Variants in TMEM108 observed in about 807,000 individuals in gnomAD.
The protein encoded by TMEM108 is cancer/testis antigen 124.
Under a neutral mutation model 35.1 loss-of-function variants are expected in TMEM108, and 12 were observed. The ratio of observed to expected loss-of-function variants is 0.34; its 90% confidence interval spans 0.22 to 0.55. The LOEUF is 0.55. Ranked by LOEUF, TMEM108 falls within the 20% of genes least tolerant of loss-of-function variation. TMEM108 has a pLI of 0.89. For synonymous variants in TMEM108, 287 were observed against 308.6 expected, an observed-to-expected ratio of 0.93 and a Z score of 0.73; for missense variants, 680 against 753.3, an observed-to-expected ratio of 0.90 and a Z score of 1.14.
chr3:133,062,642 A>G lies in TMEM108; in HGVS notation c.-47+16622A>G, dbSNP rs570158354. ...ATAATTAAATTTGTTTTAGTCTAAA[A>G]TCTGGTGATGTTACTTAATGTCAGT... On this transcript the variant is annotated intron_variant, in intron 2 of 5. Transcript: ENST00000321871. Among the ~76,000 whole-genome samples, 29 of 152,342 alleles carry G rather than the reference A, an allele frequency of 1.9e-4. No individual in the cohort carries two copies. The East Asian group carries it at 5.0e-3, about 26-fold the overall frequency.
chr3:133,065,394 C>A (rs2107685152), intron 2 of TMEM108, among the ~76,000 whole-genome samples: 1 of 152,206 alleles, frequency 6.6e-6, no homozygotes, highest in Admixed American at 6.5e-5. Flanking sequence ...CAGAAGAATG[C>A]CTTTCCCAGC....
chr3:133,350,084 A>C (rs1339947099), intron 3 of TMEM108, among the ~76,000 whole-genome samples: 1 of 152,152 alleles, frequency 6.6e-6, no homozygotes, highest in African/African-American at 2.4e-5. Flanking sequence ...ATGGAATACT[A>C]TTCAGCCATA....
intron 2 of TMEM108, among the ~76,000 whole-genome samples, chr3:133,049,352 C>T (rs1943377128): frequency 6.6e-6 from 1 of 152,220 alleles, no homozygotes; most frequent in South Asian, 2.1e-4. Context: ...GTGCTCTGTA[C>T]CCACTTGTGG....
chr3:133,237,056 G>A (rs1047649347), intron 3 of TMEM108, among the ~76,000 whole-genome samples: 1 of 152,154 alleles, frequency 6.6e-6, no homozygotes, highest in Non-Finnish European at 1.5e-5. Flanking sequence ...ATTGAGTACA[G>A]TAGTTTAAAG....
chr3:133,354,607 GAGA>G (rs2072106172), intron 3 of TMEM108, among the ~76,000 whole-genome samples: 1 of 152,104 alleles, frequency 6.6e-6, no homozygotes, highest in Non-Finnish European at 1.5e-5. Flanking sequence ...CCTTGAGCAG[GAGA>G]AGGACACAAG....
intron 3 of TMEM108, among the ~76,000 whole-genome samples, chr3:133,259,736 T>G (rs1946598631): frequency 6.6e-6 from 1 of 152,160 alleles, no homozygotes; most frequent in Non-Finnish European, 1.5e-5. Context: ...AGTGATGATA[T>G]CTTACCACAG....
In TMEM108 at chr3:133,204,320, A is replaced by T. The variant is rs559112231; in HGVS notation, c.-46-24946A>T. On this transcript the variant is annotated intron_variant, in intron 2 of 5. Transcript: ENST00000321871. ...TCTCCTTCAGTTCTGCTCTGATCTT[A>T]GTTATTTCTTGTCTTCTGCTATCTT... Among the ~76,000 whole-genome samples, 11 of 148,062 alleles carry T rather than the reference A, an allele frequency of 7.4e-5. No homozygotes were observed. The East Asian group carries it at 1.4e-3, about 19-fold the overall frequency.
chr3:133,130,547 A>C (rs1349637907), intron 2 of TMEM108, among the ~76,000 whole-genome samples: 10 of 152,188 alleles, frequency 6.6e-5, no homozygotes, highest in Non-Finnish European at 4.4e-5. Flanking sequence ...ACTGCTCAGC[A>C]CATGACCCAA....
intron 3 of TMEM108, among the ~76,000 whole-genome samples, chr3:133,358,440 G>T (rs954836315): frequency 1.3e-5 from 2 of 152,100 alleles, no homozygotes; most frequent in Admixed American, 1.3e-4. Context: ...AAAGTCCTGG[G>T]ATTACAGGTG....
At chr3:133,061,842 C>G (rs1057428444) in intron 2 of TMEM108, among the ~76,000 whole-genome samples, 8 of 152,192 alleles carry the variant, frequency 5.3e-5, no homozygotes, top group African/African-American at 1.9e-4. Context: ...AGATTTATCA[C>G]TTTACCTTGA....
At chr3:133,207,411 G>A (rs1357810479) in intron 2 of TMEM108, among the ~76,000 whole-genome samples, 1 of 152,050 alleles carries the variant, frequency 6.6e-6, no homozygotes, top group African/African-American at 2.4e-5. Context: ...CTGCAGACCA[G>A]AGCTGTTCCT....
At chr3:133,147,179 T>C (rs1010075560) in intron 2 of TMEM108, among the ~76,000 whole-genome samples, 1 of 152,348 alleles carries the variant, frequency 6.6e-6, no homozygotes, top group Non-Finnish European at 1.5e-5. Flanking sequence ...CTCATAGGTT[T>C]CAAAGAACTT....
In TMEM108 at chr3:133,078,292, A is replaced by G. The variant is rs190625693; in HGVS notation, c.-47+32272A>G. On this transcript the variant is annotated intron_variant, in intron 2 of 5. Coordinates refer to ENST00000321871, the MANE Select transcript of TMEM108 (RefSeq NM_023943.4). Reference sequence around the variant, plus strand: ...CCTATTCTTCTCAGTCCTTTCGGACATGCACTCATTTTATATCACCTCAGG... The same window carrying G: ...CCTATTCTTCTCAGTCCTTTCGGACGTGCACTCATTTTATATCACCTCAGG... Among the ~76,000 whole-genome samples the G allele has an allele frequency of 1.4e-3, 210 of 152,296 alleles. 2 individuals carry two copies. The highest frequency in any genetic ancestry group is 5.0e-3 in the African/African-American group (207 of 41,572).
chr3:133,241,611 T>C, intron 3 of TMEM108, among the ~76,000 whole-genome samples: 1 of 23,292 alleles, frequency 4.3e-5, no homozygotes. Context: ...TCCTGTGGCT[T>C]TTTTTTTTTT....
intron 2 of TMEM108, among the ~76,000 whole-genome samples, chr3:133,175,606 A>G (rs1167206935): frequency 1.3e-5 from 2 of 152,332 alleles, no homozygotes; most frequent in East Asian, 1.9e-4. Context: ...AAAATACTTT[A>G]CAGACAAGCA....
intron 2 of TMEM108, among the ~76,000 whole-genome samples, chr3:133,096,678 G>A (rs568421983): frequency 1.8e-4 from 28 of 152,168 alleles, no homozygotes; most frequent in Non-Finnish European, 3.4e-4. Context: ...GAGCAAAGCC[G>A]ATTCTGTAAG....
At chr3:133,303,371 T>C (rs986446434) in intron 3 of TMEM108, 1 of 152,176 alleles carries the variant, frequency 6.6e-6, no homozygotes, top group African/African-American at 2.4e-5. Flanking sequence ...TCAAAGGTAG[T>C]GTTTCATAAT....
At chr3:133,370,843 CTT>C (rs771536238) in intron 3 of TMEM108, among the ~76,000 whole-genome samples, 2 of 148,862 alleles carry the variant, frequency 1.3e-5, no homozygotes, top group Admixed American at 1.4e-4. Flanking sequence ...CAGCCTCCAG[CTT>C]TATTCCGTCT....
rs912203518 is a variant in TMEM108, at chr3:133,359,547, C to T, written c.41-20205C>T. Among the ~76,000 whole-genome samples the T allele has an allele frequency of 3.9e-5, 6 of 152,100 alleles. No homozygotes were observed. The East Asian group carries it at 5.8e-4, about 15-fold the overall frequency. On this transcript the variant is annotated intron_variant, in intron 3 of 5. Coordinates refer to ENST00000321871, the MANE Select transcript of TMEM108 (RefSeq NM_023943.4). The stretch of plus-strand genomic sequence containing the variant: ...AATGTAGCTAAGTGTTTGCTTGTGA[C>T]GTTTTAATTGTGTCTGGAAAGGTCC...
Sources: gnomAD v4.1 joint callset for allele counts (sites outside exome capture counted in the v4.1 genomes callset) on GRCh38, gnomAD v4.1.1 for gene constraint, MANE v1.5 for transcripts, NCBI Gene and HGNC (gene_info 2026-07-23, HGNC 2026-07-21) for gene names.